DNAH11: variants seen among roughly 807,000 people sequenced by gnomAD.
DNAH11 encodes axonemal beta dynein heavy chain 11.
Under a neutral mutation model 526.0 loss-of-function variants are expected in DNAH11, and 442 were observed. The ratio of observed to expected loss-of-function variants is 0.84; its 90% CI spans 0.78 to 0.91. The LOEUF (loss-of-function observed/expected upper bound fraction) is 0.91. DNAH11 is among the 40% of genes least tolerant of loss of function. The probability of loss-of-function intolerance (pLI) is 0.00; values close to 1 mark genes in which losing one functional copy is unlikely to be tolerated. For synonymous variants in DNAH11, 2,461 were observed against 1,935.9 expected, an observed-to-expected ratio of 1.27 and a Z score of -7.12; for missense variants, 6,989 against 5,448.7, an observed-to-expected ratio of 1.28 and a Z score of -8.90.
At chr7:21,802,961 A>AT (rs1276394657) in intron 62 of DNAH11, among the ~76,000 whole-genome samples, 1 of 150,114 alleles carries the variant, frequency 6.7e-6, no homozygotes, top group African/African-American at 2.5e-5. Flanking sequence ...ATATATATAT[A>AT]ATGTAGTAAA....
At chr7:21,543,818 AC>A in intron 1 of DNAH11, 1 of 573,356 alleles carries the variant, frequency 1.7e-6, no homozygotes, top group Non-Finnish European at 3.0e-6. Flanking sequence ...TTTGTATCTG[AC>A]CGAGAATCCC....
chr7:21,783,113 C>G (rs1158214514), intron 57 of DNAH11, among the ~76,000 whole-genome samples: 1 of 152,092 alleles, frequency 6.6e-6, no homozygotes, highest in Non-Finnish European at 1.5e-5. Flanking sequence ...CCTTCACTCA[C>G]ATAAACTCTT....
intron 66 of DNAH11, among the ~76,000 whole-genome samples, chr7:21,850,962 A>T (rs137991554): frequency 6.6e-6 from 1 of 152,148 alleles, no homozygotes; most frequent in African/African-American, 2.4e-5. Context: ...CTTTTCTCTT[A>T]TAATTACATC....
At chr7:21,549,101 A>C (rs1014192997) in intron 2 of DNAH11, among the ~76,000 whole-genome samples, 2 of 151,716 alleles carry the variant, frequency 1.3e-5, no homozygotes, top group African/African-American at 4.9e-5. Flanking sequence ...CTGGTCTCGA[A>C]CTCCTGACCT....
intron 65 of DNAH11, among the ~76,000 whole-genome samples, chr7:21,827,891 C>T (rs1039756062): frequency 1.4e-4 from 21 of 151,834 alleles, no homozygotes; most frequent in Admixed American, 2.6e-4. Flanking sequence ...TTAAATTGAA[C>T]GCTACACTGT....
At chr7:21,817,968 A>G (rs1789877117) in intron 64 of DNAH11, among the ~76,000 whole-genome samples, 1 of 152,202 alleles carries the variant, frequency 6.6e-6, no homozygotes, top group Non-Finnish European at 1.5e-5. Flanking sequence ...CAAGCAACTA[A>G]TCTATACATA....
chr7:21,669,381 A>T (rs896920174), intron 30 of DNAH11, among the ~76,000 whole-genome samples: 8 of 152,080 alleles, frequency 5.3e-5, no homozygotes, highest in African/African-American at 1.9e-4. Context: ...TATGTTTCCC[A>T]GGTTCTCTTG....
At chr7:21,801,020 G>T in intron 61 of DNAH11, 117 bp from the exon 62 acceptor site, 1 of 1,101,150 alleles carries the variant, frequency 9.1e-7, no homozygotes, top group Non-Finnish European at 1.3e-6. Flanking sequence ...AAGGGGCAAA[G>T]GTTAATGGGG....
intron 30 of DNAH11, among the ~76,000 whole-genome samples, chr7:21,666,530 A>G (rs1782425837): frequency 3.3e-5 from 5 of 152,122 alleles, no homozygotes; most frequent in Admixed American, 3.3e-4. Context: ...CTCATTAACC[A>G]TCCTCTCCCT....
At chr7:21,872,123 CAAAA>C (rs776718319) in intron 73 of DNAH11, among the ~76,000 whole-genome samples, 51 of 30,826 alleles carry the variant, frequency 1.7e-3, no homozygotes, top group African/African-American at 4.5e-3. Context: ...GACTCTGTCT[CAAAA>C]AAAAAAAAAA....
At chr7:21,855,615 G>C (rs534307400) in intron 68 of DNAH11, among the ~76,000 whole-genome samples, 15 of 152,190 alleles carry the variant, frequency 9.9e-5, no homozygotes, top group Non-Finnish European at 1.8e-4. Flanking sequence ...GTAAGAGCCA[G>C]CATTTCAACC....
chr7:21,672,763 C>T (rs1477705316), intron 30 of DNAH11, among the ~76,000 whole-genome samples: 1 of 152,174 alleles, frequency 6.6e-6, no homozygotes, highest in African/African-American at 2.4e-5. Flanking sequence ...TTTAGGGACA[C>T]ACTCTTTAAA....
In DNAH11 at chr7:21,689,380, T is replaced by C. The variant is rs557042806; in HGVS notation, c.5925-1385T>C. ...AATGTCTGTAGGTCTGCTCTCTTCA[T>C]CTTATTTTAGCCCATATGCAGACAG... On this transcript the variant is annotated intron_variant, in intron 34 of 81. Coordinates refer to ENST00000409508, the MANE Select transcript of DNAH11 (RefSeq NM_001277115.2). Among the ~76,000 whole-genome samples, 8 of 152,378 alleles carry C rather than the reference T, an allele frequency of 5.3e-5. No individual in the cohort carries two copies. The East Asian group carries it at 1.5e-3, about 29-fold the overall frequency.
chr7:21,810,921 C>G (rs904834230), intron 63 of DNAH11, among the ~76,000 whole-genome samples: 17 of 152,268 alleles, frequency 1.1e-4, no homozygotes, highest in African/African-American at 3.8e-4. Flanking sequence ...TCCAGAAATT[C>G]TACTTCTCAG....
At chr7:21,891,584 T>C (rs1194140617) in intron 76 of DNAH11, among the ~76,000 whole-genome samples, 1 of 152,200 alleles carries the variant, frequency 6.6e-6, no homozygotes, top group Non-Finnish European at 1.5e-5. Flanking sequence ...ATTCTAATGT[T>C]TAGAGGGTTT....
intron 45 of DNAH11, 140 bp from the exon 46 acceptor site, chr7:21,735,500 G>A (rs748521648): frequency 2.7e-5 from 19 of 711,664 alleles, no homozygotes; most frequent in Non-Finnish European, 4.4e-5. Flanking sequence ...CCTGTTGGGT[G>A]CTAATCTGAA....
At chr7:21,584,708 C>G (rs1436180879) in intron 9 of DNAH11, among the ~76,000 whole-genome samples, 1 of 152,116 alleles carries the variant, frequency 6.6e-6, no homozygotes, top group African/African-American at 2.4e-5. Flanking sequence ...CTCAGGTATA[C>G]TTGCTAGTAT....
At chr7:21,679,065 C>T (rs1373210937) in intron 30 of DNAH11, among the ~76,000 whole-genome samples, 1 of 151,912 alleles carries the variant, frequency 6.6e-6, no homozygotes, top group African/African-American at 2.4e-5. Flanking sequence ...TTAGCCTTTA[C>T]AAAGAAGGAA....
chr7:21,606,059 C>T (rs1028330444), intron 18 of DNAH11, among the ~76,000 whole-genome samples: 14 of 152,180 alleles, frequency 9.2e-5, no homozygotes, highest in African/African-American at 2.9e-4. Context: ...CATGGTGGCT[C>T]ATGCCTGTAA....
Sources: allele counts gnomAD v4.1 joint callset (sites outside exome capture counted in the v4.1 genomes callset), GRCh38; gene constraint gnomAD v4.1.1; transcripts MANE v1.5; gene names NCBI Gene and HGNC (gene_info 2026-07-23, HGNC 2026-07-21).